DPYD: variants seen among roughly 807,000 people sequenced by gnomAD.
The protein encoded by DPYD is dihydropyrimidine dehydrogenase.
In DPYD, 109 loss-of-function variants were observed where a neutral mutation model predicts 116.2. The ratio of observed to expected loss-of-function variants is 0.94; its 90% CI spans 0.80 to 1.10. The LOEUF is 1.10. DPYD is among the 50% of genes least tolerant of loss of function. The pLI, the probability that DPYD is intolerant of heterozygous loss-of-function variation, is 0.00. For synonymous variants in DPYD, 440 were observed against 432.0 expected (o/e 1.02, Z -0.23); for missense variants, 1,302 against 1,254.5 (o/e 1.04, Z -0.57).
At chr1:97,674,638 T>C (rs1660043710) in intron 8 of DPYD, among the ~76,000 whole-genome samples, 1 of 150,656 alleles carries the variant, frequency 6.6e-6, no homozygotes, top group African/African-American at 2.4e-5. Context: ...GGCTCTAGAA[T>C]AAAATTACCC....
At chr1:97,711,288 G>A (rs111639194) in intron 5 of DPYD, among the ~76,000 whole-genome samples, 1 of 151,842 alleles carries the variant, frequency 6.6e-6, no homozygotes, top group Non-Finnish European at 1.5e-5. Flanking sequence ...TTATAGTTTA[G>A]TTATAAGAAA....
intron 10 of DPYD, 85 bp from the exon 11 acceptor site, chr1:97,574,055 A>C: frequency 6.4e-7 from 1 of 1,558,290 alleles, no homozygotes; most frequent in Non-Finnish European, 8.7e-7. Flanking sequence ...TACACATGCT[A>C]AAGCTTATGA....
At chr1:97,105,893 GGAAAT>G (rs1439095834) in intron 20 of DPYD, among the ~76,000 whole-genome samples, 2 of 152,104 alleles carry the variant, frequency 1.3e-5, no homozygotes, top group Non-Finnish European at 2.9e-5. Flanking sequence ...AGAGAAGTAA[GGAAAT>G]GAAGTGAAGG....
chr1:97,100,860 G>A (rs1229411709), intron 20 of DPYD, among the ~76,000 whole-genome samples: 1 of 151,900 alleles, frequency 6.6e-6, no homozygotes, highest in Non-Finnish European at 1.5e-5. Context: ...ATATCCAACA[G>A]CCTGATATTT....
intron 7 of DPYD, among the ~76,000 whole-genome samples, chr1:97,682,001 G>A (rs1660451436): frequency 6.6e-6 from 1 of 152,106 alleles, no homozygotes; most frequent in East Asian, 1.9e-4. Context: ...GTGGGTATTT[G>A]TGGGAGAAGG....
At chr1:97,796,892 A>C (rs1437613362) in intron 3 of DPYD, 1 of 152,130 alleles carries the variant, frequency 6.6e-6, no homozygotes, top group East Asian at 1.9e-4. Context: ...TTATGCTACC[A>C]TAGAGAAGGA....
At chr1:97,697,660 G>T (rs1661379573) in intron 6 of DPYD, among the ~76,000 whole-genome samples, 1 of 151,880 alleles carries the variant, frequency 6.6e-6, no homozygotes, top group Non-Finnish European at 1.5e-5. Flanking sequence ...GTTTGGTCTG[G>T]ATCCAGAGAA....
At chr1:97,208,153 CTT>C (rs1659777525) in intron 19 of DPYD, among the ~76,000 whole-genome samples, 2 of 151,794 alleles carry the variant, frequency 1.3e-5, no homozygotes, top group Admixed American at 1.3e-4. Context: ...TTTTTCCTCT[CTT>C]TCTTTTTTCT....
chr1:97,613,048 T>C (rs1656048812), intron 8 of DPYD, among the ~76,000 whole-genome samples: 1 of 152,074 alleles, frequency 6.6e-6, no homozygotes. Context: ...ATAAAAATAT[T>C]GAAACCAAGT....
intron 3 of DPYD, among the ~76,000 whole-genome samples, chr1:97,766,070 T>C (rs1665836090): frequency 6.6e-6 from 1 of 151,708 alleles, no homozygotes; most frequent in Non-Finnish European, 1.5e-5. Flanking sequence ...ATGGAGAAAC[T>C]CTACTAAAAA....
chr1:97,788,306 C>A (rs1667146716), intron 3 of DPYD, among the ~76,000 whole-genome samples: 1 of 152,160 alleles, frequency 6.6e-6, no homozygotes, highest in East Asian at 1.9e-4. Flanking sequence ...AGCTTGGTAA[C>A]TTCCACTTTT....
At chr1:97,604,871 GT>G (rs1655485744) in intron 8 of DPYD, among the ~76,000 whole-genome samples, 1 of 151,990 alleles carries the variant, frequency 6.6e-6, no homozygotes, top group African/African-American at 2.4e-5. Flanking sequence ...CCTTGTCTGT[GT>G]TTTTTACAGA....
chr1:97,854,322 T>A (rs976742889), intron 2 of DPYD, among the ~76,000 whole-genome samples: 4 of 152,208 alleles, frequency 2.6e-5, no homozygotes, highest in African/African-American at 9.6e-5. Context: ...ATCTTTAATA[T>A]CATACATCAA....
At chr1:97,103,695 T>C (rs1177276614) in intron 20 of DPYD, among the ~76,000 whole-genome samples, 1 of 152,138 alleles carries the variant, frequency 6.6e-6, no homozygotes, top group Non-Finnish European at 1.5e-5. Context: ...CAAATTTGCA[T>C]TAAAATCAGT....
At chr1:97,195,594 ATG>A (rs372624396) in intron 19 of DPYD, among the ~76,000 whole-genome samples, 15,732 of 43,288 alleles carry the variant, frequency 0.36, 3,089 homozygotes, top group South Asian at 0.48. Context: ...ATATATATAT[ATG>A]TGTGTGTGTG....
intron 14 of DPYD, among the ~76,000 whole-genome samples, chr1:97,408,945 CA>C (rs1673824272): frequency 6.6e-6 from 1 of 152,144 alleles, no homozygotes; most frequent in Admixed American, 6.5e-5. Context: ...CCTTCATCCA[CA>C]GACTGAAGGC....
At chr1:97,582,593 T>C (rs1414571236) in intron 10 of DPYD, among the ~76,000 whole-genome samples, 2 of 152,198 alleles carry the variant, frequency 1.3e-5, no homozygotes, top group African/African-American at 2.4e-5. Context: ...AATTAATCTC[T>C]GGCCTGTACA....
At chr1:97,692,110 A>C (rs1393004727) in intron 6 of DPYD, among the ~76,000 whole-genome samples, 1 of 152,150 alleles carries the variant, frequency 6.6e-6, no homozygotes, top group African/African-American at 2.4e-5. Context: ...TGGTTGATTT[A>C]TTTAATAATA....
intron 18 of DPYD, among the ~76,000 whole-genome samples, chr1:97,281,489 AT>A (rs1665320927): frequency 6.6e-6 from 1 of 152,006 alleles, no homozygotes; most frequent in Non-Finnish European, 1.5e-5. Flanking sequence ...TCTATAACTG[AT>A]AGAAGAAACT....
Sources: allele counts gnomAD v4.1 joint callset (sites outside exome capture counted in the v4.1 genomes callset), GRCh38; gene constraint gnomAD v4.1.1; transcripts MANE v1.5; gene names NCBI Gene and HGNC (gene_info 2026-07-23, HGNC 2026-07-21).